The following IFT74 variants were observed in gnomAD, a reference collection of about 807,000 sequenced individuals.
IFT74 encodes the protein intraflagellar transport 74.
In IFT74, 92 loss-of-function variants were observed where a neutral mutation model predicts 96.7. The ratio of observed to expected loss-of-function variants is 0.95; its 90% CI spans 0.80 to 1.13. IFT74 has a LOEUF of 1.13. Ranked by LOEUF, IFT74 falls within the 50% of genes most tolerant of loss-of-function variation. The pLI is 0.00. For missense variants in IFT74, 811 were observed against 698.2 expected, an observed-to-expected ratio of 1.16 and a Z score of -1.82; for synonymous variants, 223 against 213.2, an observed-to-expected ratio of 1.05 and a Z score of -0.40.
intron 13 of IFT74, among the ~76,000 whole-genome samples, chr9:27,040,481 G>A (rs769528489): frequency 1.5e-4 from 22 of 147,746 alleles, no homozygotes; most frequent in Admixed American, 2.8e-4. Context: ...CCTGGGAGGC[G>A]GAGGTTGCAG....
At chr9:26,958,246 G>C (rs151204352) in intron 1 of IFT74, among the ~76,000 whole-genome samples, 1 of 152,168 alleles carries the variant, frequency 6.6e-6, no homozygotes, top group African/African-American at 2.4e-5. Flanking sequence ...ATTTCAAGTG[G>C]TGTGATAGGT....
intron 1 of IFT74, among the ~76,000 whole-genome samples, chr9:26,950,108 C>G (rs1011531535): frequency 2.6e-5 from 4 of 152,010 alleles, no homozygotes; most frequent in African/African-American, 7.3e-5. Context: ...GTCAGGAGAT[C>G]GAGACCATCC....
Position 26,984,245 on chromosome 9 carries a change from C to A in IFT74, c.306-12C>A, listed in dbSNP as rs747835899. The A allele has an allele frequency of 1.3e-6, 2 of 1,543,742 alleles. No homozygotes were observed. The highest frequency in any genetic ancestry group is 1.7e-6 in the Non-Finnish European group (2 of 1,143,254). ...AAAAGTATTGCTGACATTCTTATTT[C>A]TTTTCTAATAGAAGTAAAATAAGTG... On this transcript the variant is annotated splice_polypyrimidine_tract_variant and intron_variant, in intron 4 of 19. Coordinates refer to ENST00000380062, the MANE Select transcript of IFT74 (RefSeq NM_025103.4).
intron 8 of IFT74, among the ~76,000 whole-genome samples, chr9:26,992,035 CAA>C (rs113482452): frequency 7.6e-6 from 1 of 131,356 alleles, no homozygotes; most frequent in Non-Finnish European, 1.7e-5. Context: ...GACTCCGTCT[CAA>C]AAAAAAAAAA....
chr9:27,017,145 C>T lies in IFT74; in HGVS notation c.933+95C>T, dbSNP rs533614332. The T allele has an allele frequency of 1.5e-4, 142 of 928,938 alleles. 2 individuals carry two copies. In the South Asian group the frequency reaches 2.9e-3, roughly 19 times the overall value. 57.5% of individuals were successfully genotyped at this position (928,938 alleles called of 1,614,324 possible). A position where few individuals can be genotyped will look rare whatever the true frequency, so the allele number is the denominator to read the frequency against. Reference sequence around the variant, plus strand: ...AGGGATATTAATGCAAGTAGTAAAGCTAGTAAGTGTATTGTCTAAAAATAG... The same window carrying T: ...AGGGATATTAATGCAAGTAGTAAAGTTAGTAAGTGTATTGTCTAAAAATAG... On this transcript the variant is annotated intron_variant, in intron 11 of 19. Transcript: ENST00000380062.
chr9:27,002,936 T>A (rs1022014602), intron 8 of IFT74, among the ~76,000 whole-genome samples: 4 of 151,892 alleles, frequency 2.6e-5, no homozygotes, highest in Non-Finnish European at 5.9e-5. Flanking sequence ...ATATTTCCAT[T>A]TTTTTTTGTA....
At chr9:27,039,504 C>G (rs1197588622) in intron 13 of IFT74, among the ~76,000 whole-genome samples, 3 of 152,112 alleles carry the variant, frequency 2.0e-5, no homozygotes, top group Non-Finnish European at 2.9e-5. Flanking sequence ...TGAAATCAGC[C>G]TGGACAACAT....
chr9:26,948,445 ATTATTTTT>A (rs1825817860), intron 1 of IFT74, among the ~76,000 whole-genome samples: 3 of 47,314 alleles, frequency 6.3e-5, no homozygotes, highest in East Asian at 9.8e-4. Context: ...ATGGCTTTCC[ATTATTTTT>A]TTTTTTTTTT....
At chr9:26,952,273 T>C (rs1348184688), upstream of IFT74, among the ~76,000 whole-genome samples, 1 of 148,586 alleles carries the variant, frequency 6.7e-6, no homozygotes, top group East Asian at 2.0e-4. Context: ...ATTTAATTTT[T>C]TTTAACCTTT....
At chr9:27,043,724 A>G (rs1007951872) in intron 13 of IFT74, among the ~76,000 whole-genome samples, 1 of 152,330 alleles carries the variant, frequency 6.6e-6, no homozygotes, top group Admixed American at 6.5e-5. Flanking sequence ...TGCCCAAGCC[A>G]GAAGCCTGGG....
intron 16 of IFT74, among the ~76,000 whole-genome samples, chr9:27,053,024 C>T (rs530078370): frequency 3.3e-5 from 5 of 152,062 alleles, no homozygotes; most frequent in African/African-American, 9.7e-5. Flanking sequence ...CCACCTCGCC[C>T]GGCTAATTTT....
At chr9:27,061,677 GTATA>G (rs10668267) in intron 19 of IFT74, among the ~76,000 whole-genome samples, 6 of 143,078 alleles carry the variant, frequency 4.2e-5, no homozygotes, top group African/African-American at 5.1e-5. Context: ...ATATCCACAA[GTATA>G]TATATATATA....
At chr9:26,950,324 GAA>G (rs1434241233) in intron 1 of IFT74, among the ~76,000 whole-genome samples, 1 of 147,322 alleles carries the variant, frequency 6.8e-6, no homozygotes, top group Non-Finnish European at 1.5e-5. Context: ...AAAAAAAAAA[GAA>G]AGAAAGAAAA....
chr9:27,001,778 T>C (rs905979374), intron 8 of IFT74, among the ~76,000 whole-genome samples: 4 of 152,130 alleles, frequency 2.6e-5, no homozygotes, highest in Admixed American at 2.6e-4. Flanking sequence ...GTCTCTTCAC[T>C]TTTTTGATCA....
chr9:27,055,103 CTG>C (rs771481070), intron 16 of IFT74, among the ~76,000 whole-genome samples: 28 of 152,236 alleles, frequency 1.8e-4, no homozygotes, highest in Non-Finnish European at 4.1e-4. Context: ...GAACTTAACT[CTG>C]TATTTCCTTT....
At chr9:27,055,349 A>T (rs1240923837) in intron 16 of IFT74, among the ~76,000 whole-genome samples, 1 of 152,134 alleles carries the variant, frequency 6.6e-6, no homozygotes, top group Non-Finnish European at 1.5e-5. Flanking sequence ...AAAAACTTAA[A>T]TGTTTGTTAG....
chr9:27,040,544 C>CAAAAAAAAAAAAAAAAAAA (rs751893169), intron 13 of IFT74, among the ~76,000 whole-genome samples: 33 of 62,074 alleles, frequency 5.3e-4, no homozygotes, highest in African/African-American at 1.8e-3. Context: ...GACACTGTCT[C>CAAAAAAAAAAAAAAAAAAA]AAAAAAAAAA....
At chr9:26,966,956 G>A (rs955741363) in intron 2 of IFT74, among the ~76,000 whole-genome samples, 3 of 151,676 alleles carry the variant, frequency 2.0e-5, no homozygotes, top group Admixed American at 2.0e-4. Flanking sequence ...TTGCATCTTT[G>A]TCAAAAATGT....
At chr9:26,952,284 T>C (rs1825959144), upstream of IFT74, among the ~76,000 whole-genome samples, 1 of 151,652 alleles carries the variant, frequency 6.6e-6, no homozygotes, top group Non-Finnish European at 1.5e-5. Flanking sequence ...TTTAACCTTT[T>C]TTTTTTTTTT....
Sources: allele counts gnomAD v4.1 joint callset (sites outside exome capture counted in the v4.1 genomes callset), GRCh38; gene constraint gnomAD v4.1.1; transcripts MANE v1.5; gene names NCBI Gene and HGNC (gene_info 2026-07-23, HGNC 2026-07-21).